The following CLASP2 variants were observed in gnomAD, a reference collection of about 807,000 sequenced individuals.
The protein encoded by CLASP2 is CLIP-associating protein 2.
Under a neutral mutation model 194.4 loss-of-function variants are expected in CLASP2, and 47 were observed. The observed-to-expected ratio is 0.24, with a 90% CI of 0.19 to 0.31. The LOEUF (loss-of-function observed/expected upper bound fraction) is 0.31, where lower values mean the gene tolerates loss of function less well. Among genes scored for constraint, CLASP2 ranks in the 10% least tolerant of loss-of-function variants. CLASP2 has a pLI of 1.00. For missense variants in CLASP2, 1,445 were observed against 1,823.6 expected, an observed-to-expected ratio of 0.79 and a Z score of 3.78; for synonymous variants, 619 against 633.5, an observed-to-expected ratio of 0.98 and a Z score of 0.34.
chr3:33,644,725 T>A lies in CLASP2; in HGVS notation c.862+32A>T, dbSNP rs372059437. On this transcript the variant is annotated intron_variant, in intron 8 of 38. Coordinates refer to ENST00000682230, the MANE Select transcript of CLASP2 (RefSeq NM_001365631.1). ...GTGGCCATATCAAGGGCATGGAGCA[T>A]GCATAACAGATTTGAAATGGATTTA... 3 of 1,611,254 alleles carry A rather than the reference T, an allele frequency of 1.9e-6. No homozygotes were observed. In the East Asian group the frequency reaches 6.7e-5, roughly 36 times the overall value.
At chr3:33,670,612 G>A (rs1003850544) in intron 6 of CLASP2, among the ~76,000 whole-genome samples, 1 of 152,156 alleles carries the variant, frequency 6.6e-6, no homozygotes, top group Non-Finnish European at 1.5e-5. Flanking sequence ...AATTAGAGAT[G>A]GGGAGATGAA....
intron 25 of CLASP2, among the ~76,000 whole-genome samples, chr3:33,571,674 G>T (rs2063803527): frequency 6.6e-6 from 1 of 151,756 alleles, no homozygotes; most frequent in Non-Finnish European, 1.5e-5. Flanking sequence ...AAATCAGCTG[G>T]GTGTGGTGGT....
rs187994948 is a variant in CLASP2, at chr3:33,692,231, C to T, written c.275-2299G>A. Among the ~76,000 whole-genome samples, 6 of 152,142 alleles carry T rather than the reference C, an allele frequency of 3.9e-5. No individual in the cohort carries two copies. The East Asian group carries it at 7.7e-4, about 20-fold the overall frequency. On this transcript the variant is annotated intron_variant, in intron 2 of 38. Coordinates refer to ENST00000682230, the MANE Select transcript of CLASP2 (RefSeq NM_001365631.1). ...TGTGTGATCAAAGTCATAACCATCT[C>T]CATTTTCCATTTACTTATAATTTGA...
In CLASP2 at chr3:33,704,434, G is replaced by T. The variant is rs181895483; in HGVS notation, c.196-7501C>A. Among the ~76,000 whole-genome samples the T allele has an allele frequency of 6.7e-4, 102 of 152,206 alleles. 1 individual carries two copies. In the East Asian group the frequency reaches 0.019, roughly 28 times the overall value. ...AAAAACAAAAATGGGCAAAGAACTT[G>T]AATAGGCATTTCTCCAAATAAGATA... is the stretch of plus-strand genomic sequence containing the variant. On this transcript the variant is annotated intron_variant, in intron 1 of 38. Transcript: ENST00000682230.
intron 30 of CLASP2, among the ~76,000 whole-genome samples, chr3:33,550,188 G>A (rs1200470007): frequency 3.3e-5 from 5 of 152,002 alleles, no homozygotes; most frequent in Non-Finnish European, 7.4e-5. Context: ...CAGATCACTT[G>A]AGGACAGGAG....
At chr3:33,683,511 G>C (rs1469082278) in intron 6 of CLASP2, 1 of 152,290 alleles carries the variant, frequency 6.6e-6, no homozygotes, top group African/African-American at 2.4e-5. Context: ...GGGAGGCTGA[G>C]GTGAGAGGAT....
At chr3:33,613,246 T>A (rs2075520146) in intron 12 of CLASP2, among the ~76,000 whole-genome samples, 2 of 152,202 alleles carry the variant, frequency 1.3e-5, no homozygotes, top group Non-Finnish European at 2.9e-5. Context: ...GAAATTGAAC[T>A]GTGATACAGC....
At chr3:33,658,691 C>T (rs1174695316) in intron 7 of CLASP2, among the ~76,000 whole-genome samples, 1 of 152,180 alleles carries the variant, frequency 6.6e-6, no homozygotes, top group African/African-American at 2.4e-5. Flanking sequence ...ACGTTTCTTC[C>T]AATATCCCTT....
intron 31 of CLASP2, 113 bp from the exon 32 acceptor site, chr3:33,543,652 C>G: frequency 1.6e-6 from 1 of 641,314 alleles, no homozygotes; most frequent in Non-Finnish European, 2.8e-6. Flanking sequence ...GCCATATTTA[C>G]AGGTCAATAT....
chr3:33,532,223 A>G (rs2056481250), intron 34 of CLASP2, among the ~76,000 whole-genome samples: 1 of 152,238 alleles, frequency 6.6e-6, no homozygotes. Flanking sequence ...ATATGCTACA[A>G]CATGAATCAA....
At chr3:33,566,536 T>C (rs983562040) in intron 27 of CLASP2, among the ~76,000 whole-genome samples, 196 bp downstream of exon 27, 3 of 152,138 alleles carry the variant, frequency 2.0e-5, no homozygotes, top group Non-Finnish European at 1.5e-5. Context: ...AAGAACATAA[T>C]CAAATTAGAT....
chr3:33,511,408 T>C (rs888910223), intron 36 of CLASP2, among the ~76,000 whole-genome samples: 2 of 152,120 alleles, frequency 1.3e-5, no homozygotes, highest in Admixed American at 6.6e-5. Context: ...TTACTTAGAC[T>C]ACAATGTGAC....
At position 33,602,939 on chromosome 3, in the gene CLASP2, T is replaced by C. The variant is rs1411831685; in HGVS notation, c.1924+13A>G. 1 of 1,603,960 alleles carries C rather than the reference T, an allele frequency of 6.2e-7. No individual in the cohort carries two copies. The highest frequency in any genetic ancestry group is 8.5e-7 in the Non-Finnish European group (1 of 1,174,692). ...GAGAACATGGTACAATTTTCCATAA[T>C]CAGTTCTCTTACCTAGTGACGCATA... On this transcript the variant is annotated intron_variant, in intron 18 of 38. Transcript: ENST00000682230.
chr3:33,585,364 G>C (rs1330705013), intron 21 of CLASP2, among the ~76,000 whole-genome samples: 1 of 152,114 alleles, frequency 6.6e-6, no homozygotes, highest in African/African-American at 2.4e-5. Context: ...TTTTATCATT[G>C]TGTGAACATC....
rs781401225 is a variant in CLASP2 at position 33,612,009 on chromosome 3, G to A, written c.1380C>T (p.Pro460=). Residue 460 remains proline (P), a synonymous_variant, in exon 13 of 39, where the codon CCC becomes CCT. Transcript: ENST00000682230. ...ITSNCTSKSV[P]VRRRSFEFLD... is the part of the protein sequence containing the mutation. ...CAAAAAATTAAACTTACCTCCTCAC[G>A]GGAACTGATTTTGATGTGCAATTGC... The A allele has an allele frequency of 1.9e-5, 30 of 1,606,342 alleles. No individual in the cohort carries two copies. The highest frequency in any genetic ancestry group is 5.6e-5 in the South Asian group (5 of 90,060).
chr3:33,656,420 A>G (rs1285445199), intron 7 of CLASP2, among the ~76,000 whole-genome samples: 1 of 152,214 alleles, frequency 6.6e-6, no homozygotes, highest in Non-Finnish European at 1.5e-5. Context: ...TCTTATCAGA[A>G]AGCATAGATG....
At chr3:33,604,676 A>G (rs1441662831) in intron 16 of CLASP2, among the ~76,000 whole-genome samples, 1 of 152,094 alleles carries the variant, frequency 6.6e-6, no homozygotes, top group East Asian at 1.9e-4. Context: ...GTTCCTCCCA[A>G]TCATCAGGTA....
chr3:33,686,290 C>G (rs1337397902), intron 5 of CLASP2, among the ~76,000 whole-genome samples: 2 of 152,094 alleles, frequency 1.3e-5, no homozygotes, highest in African/African-American at 4.8e-5. Flanking sequence ...TAGTATAGAC[C>G]AGGGATCCCC....
At chr3:33,697,129 TAAC>T (rs1559669380) in intron 1 of CLASP2, among the ~76,000 whole-genome samples, 196 bp from the exon 2 acceptor site, 1 of 152,086 alleles carries the variant, frequency 6.6e-6, no homozygotes, top group Non-Finnish European at 1.5e-5. Context: ...ACAACAATAA[TAAC>T]GTGTAAACAG....
Sources: gnomAD v4.1 joint callset for allele counts (sites outside exome capture counted in the v4.1 genomes callset) on GRCh38, gnomAD v4.1.1 for gene constraint, MANE v1.5 for transcripts, NCBI Gene and HGNC (gene_info 2026-07-23, HGNC 2026-07-21) for gene names.